The following ZHX3 variants were observed in gnomAD, a reference collection of about 807,000 sequenced individuals.
The protein encoded by ZHX3 is zinc fingers and homeoboxes 3.
ZHX3 carries 20 observed loss-of-function variants against 64.5 expected under a neutral mutation model. That is an observed-to-expected ratio of 0.31 (90% CI 0.22 to 0.45). The LOEUF (loss-of-function observed/expected upper bound fraction) is 0.45, where lower values mean the gene tolerates loss of function less well. Ranked by LOEUF, ZHX3 falls within the 20% of genes least tolerant of loss-of-function variation. The probability of loss-of-function intolerance (pLI) is 1.00; values close to 1 mark genes in which losing one functional copy is unlikely to be tolerated. For missense variants in ZHX3, 1,041 were observed against 1,195.8 expected (o/e 0.87, Z 1.91); for synonymous variants, 423 against 461.6 (o/e 0.92, Z 1.07).
intron 2 of ZHX3, among the ~76,000 whole-genome samples, chr20:41,223,144 T>G (rs375509145): frequency 6.6e-6 from 1 of 152,188 alleles, no homozygotes; most frequent in Middle Eastern, 3.2e-3. Flanking sequence ...TTGGAAAGGC[T>G]TGAAACATTG....
At chr20:41,234,630 C>T (rs902205656) in intron 2 of ZHX3, among the ~76,000 whole-genome samples, 2 of 152,184 alleles carry the variant, frequency 1.3e-5, no homozygotes, top group African/African-American at 2.4e-5. Flanking sequence ...ATTACTGCCT[C>T]GCGAGGGAAA....
At chr20:41,193,849 C>T (rs1397937670) in intron 3 of ZHX3, among the ~76,000 whole-genome samples, 1 of 151,932 alleles carries the variant, frequency 6.6e-6, no homozygotes, top group Non-Finnish European at 1.5e-5. Context: ...ACTAAAGGCA[C>T]ATGCCACCAT....
At chr20:41,237,447 G>C (rs2146425677) in intron 2 of ZHX3, among the ~76,000 whole-genome samples, 2 of 152,274 alleles carry the variant, frequency 1.3e-5, no homozygotes, top group East Asian at 1.9e-4. Context: ...AAAATGATGA[G>C]TTCATGTCCT....
intron 2 of ZHX3, among the ~76,000 whole-genome samples, chr20:41,208,416 G>A (rs1038627713): frequency 4.6e-5 from 7 of 152,130 alleles, no homozygotes; most frequent in Admixed American, 1.3e-4. Context: ...CAATATCCCT[G>A]ATGAACATCG....
At chr20:41,291,758 G>C (rs907420665) in intron 1 of ZHX3, among the ~76,000 whole-genome samples, 1 of 151,612 alleles carries the variant, frequency 6.6e-6, no homozygotes, top group Non-Finnish European at 1.5e-5. Flanking sequence ...TAAAAGTAAA[G>C]CATGAATCTA....
At chr20:41,274,303 T>A (rs1416634296) in intron 1 of ZHX3, among the ~76,000 whole-genome samples, 1 of 152,190 alleles carries the variant, frequency 6.6e-6, no homozygotes, top group Non-Finnish European at 1.5e-5. Context: ...CTGATAAGAG[T>A]TAAGTTGTTT....
At chr20:41,230,315 G>C (rs548775025) in intron 2 of ZHX3, among the ~76,000 whole-genome samples, 2 of 152,238 alleles carry the variant, frequency 1.3e-5, no homozygotes, top group East Asian at 1.9e-4. Context: ...GCAGTGTGGA[G>C]AGCAACAGCT....
At position 41,219,139 on chromosome 20, in the gene ZHX3, G is replaced by A. The variant is rs142414341; in HGVS notation, c.-150-14073C>T. 3.7e-4 allele frequency among the ~76,000 whole-genome samples: 56 copies of A among 151,680 alleles called. 1 individual carries two copies. Among genetic ancestry groups the A allele is most frequent in the African/African-American group, 1.0e-3 (42 of 41,386 alleles). On this transcript the variant is annotated intron_variant, in intron 2 of 3. Coordinates refer to ENST00000683867, the MANE Select transcript of ZHX3 (RefSeq NM_001384317.1). The surrounding 1 kb of genome is among the most constrained non-coding windows in gnomAD (Gnocchi z 5.0). Reference sequence around the variant, plus strand: ...AGAGACGGGTTTTCACCGTGTTAGCGAGCATGGTCTCGATCTCCTGACCTC... The same window carrying A: ...AGAGACGGGTTTTCACCGTGTTAGCAAGCATGGTCTCGATCTCCTGACCTC...
At chr20:41,271,351 G>A (rs2043140500) in intron 1 of ZHX3, among the ~76,000 whole-genome samples, 2 of 152,206 alleles carry the variant, frequency 1.3e-5, no homozygotes, top group Non-Finnish European at 1.5e-5. Context: ...TAGCCAGCAT[G>A]ATAGATATTT....
chr20:41,232,144 G>A lies in ZHX3; in HGVS notation c.-150-27078C>T, dbSNP rs992873345. Among the ~76,000 whole-genome samples, 4 of 152,038 alleles carry A rather than the reference G, an allele frequency of 2.6e-5. No individual in the cohort carries two copies. Among genetic ancestry groups the A allele is most frequent in the Non-Finnish European group, 5.9e-5 (4 of 68,014 alleles). ...ATTTATGGGTAATGGCCACAGAAAC[G>A]AAGACAATTTTGCCTAGGCAAGAGA... is the stretch of plus-strand genomic sequence containing the variant. On this transcript the variant is annotated intron_variant, in intron 2 of 3. Coordinates refer to ENST00000683867, the MANE Select transcript of ZHX3 (RefSeq NM_001384317.1). This position sits in a 1 kb window ranked among gnomAD's most constrained non-coding sequence, Gnocchi z 5.0.
intron 2 of ZHX3, among the ~76,000 whole-genome samples, chr20:41,265,228 G>A (rs552027492): frequency 1.0e-4 from 15 of 147,454 alleles, no homozygotes; most frequent in African/African-American, 3.3e-4. Flanking sequence ...TTGAAACGGA[G>A]TTTCGCTTTT....
intron 3 of ZHX3, among the ~76,000 whole-genome samples, chr20:41,190,884 G>T (rs1157464139): frequency 6.6e-6 from 1 of 152,118 alleles, no homozygotes; most frequent in African/African-American, 2.4e-5. Flanking sequence ...TGATCTGTAA[G>T]GTTTCTGCTG....
intron 3 of ZHX3, among the ~76,000 whole-genome samples, chr20:41,191,872 G>A (rs1411143584): frequency 6.6e-6 from 1 of 152,186 alleles, no homozygotes; most frequent in Non-Finnish European, 1.5e-5. Context: ...CATTCTCCAG[G>A]CACCAGTGGT....
At chr20:41,186,381 ATT>A (rs2036525638) in intron 3 of ZHX3, among the ~76,000 whole-genome samples, 1 of 152,088 alleles carries the variant, frequency 6.6e-6, no homozygotes, top group African/African-American at 2.4e-5. Flanking sequence ...GTACACACAC[ATT>A]TTCTTTATTT....
chr20:41,251,915 A>G (rs983231547), intron 2 of ZHX3, among the ~76,000 whole-genome samples: 2 of 152,204 alleles, frequency 1.3e-5, no homozygotes, highest in African/African-American at 4.8e-5. Context: ...TGATATCAAG[A>G]TATCACTAAG....
chr20:41,233,964 A>T (rs2040794703), intron 2 of ZHX3, among the ~76,000 whole-genome samples: 1 of 152,220 alleles, frequency 6.6e-6, no homozygotes, highest in Non-Finnish European at 1.5e-5. Flanking sequence ...ACCCTTGCAG[A>T]TTGTACATAG....
Position 41,201,945 on chromosome 20 carries a change from C to G in ZHX3, c.2860+112G>C. ...GCAGCCAGGCGGTTAATGCTGCTGC[C>G]AGGCAGCCTTAGAGACAGCAGATGC... On this transcript the variant is annotated intron_variant, in intron 3 of 3. Coordinates refer to ENST00000683867, the MANE Select transcript of ZHX3 (RefSeq NM_001384317.1). This position sits in a 1 kb window ranked among gnomAD's most constrained non-coding sequence, Gnocchi z 5.0. 7.4e-7 allele frequency: 1 copy of G among 1,351,806 alleles called. No individual in the cohort carries two copies. The highest frequency in any genetic ancestry group is 9.8e-7 in the Non-Finnish European group (1 of 1,021,808). The allele number at this position is 1,351,806 out of a possible 1,614,324, so 83.7% of individuals were successfully genotyped here.
At chr20:41,214,632 C>G (rs1388786279) in intron 2 of ZHX3, among the ~76,000 whole-genome samples, 1 of 152,204 alleles carries the variant, frequency 6.6e-6, no homozygotes, top group Non-Finnish European at 1.5e-5. Context: ...ACTAAGGTGG[C>G]TGTTTTTAGC....
intron 3 of ZHX3, among the ~76,000 whole-genome samples, chr20:41,192,057 C>T (rs888417415): frequency 6.6e-6 from 1 of 152,098 alleles, no homozygotes; most frequent in African/African-American, 2.4e-5. Context: ...GGGCAGCTGG[C>T]GTGGCATGGG....
Sources: gnomAD v4.1 joint callset for allele counts (sites outside exome capture counted in the v4.1 genomes callset) on GRCh38, gnomAD v4.1.1 for gene constraint, Gnocchi (gnomAD v3.1) non-coding constraint, MANE v1.5 for transcripts, NCBI Gene and HGNC (gene_info 2026-07-23, HGNC 2026-07-21) for gene names.